Variants in ECPAS observed in about 807,000 individuals in gnomAD.
The protein encoded by ECPAS is proteasome adapter and scaffold protein ECM29.
In ECPAS, 70 loss-of-function variants were observed where a neutral mutation model predicts 255.1. The observed-to-expected ratio is 0.27, with a 90% CI of 0.23 to 0.33. The LOEUF is 0.33. Ranked by LOEUF, ECPAS falls within the 10% of genes least tolerant of loss-of-function variation. The pLI is 1.00. For synonymous variants in ECPAS, 784 were observed against 775.0 expected (o/e 1.01, Z -0.19); for missense variants, 1,817 against 2,206.4 (o/e 0.82, Z 3.54).
chr9:111,471,980 G>A (rs117483442), intron 2 of ECPAS, among the ~76,000 whole-genome samples: 4,856 of 152,136 alleles, frequency 0.032, 164 homozygotes, highest in East Asian at 0.12. Context: ...ACACAACTAT[G>A]ATCCCAGCTA....
chr9:111,368,419 A>G lies in ECPAS; in HGVS notation c.5113+616T>C, dbSNP rs2098123306. On this transcript the variant is annotated intron_variant, in intron 46 of 49. Transcript: ENST00000684092. ...TTTGTGCATTCCTCTGAATAGAGCT[A>G]TGATCATCAAGAAGATCAGTAGAAC... 2.6e-5 allele frequency among the ~76,000 whole-genome samples: 4 copies of G among 152,190 alleles called. No homozygotes were observed. In the South Asian group the frequency reaches 8.3e-4, roughly 32 times the overall value.
chr9:111,471,637 AT>A (rs2098288330), intron 2 of ECPAS, among the ~76,000 whole-genome samples: 1 of 152,194 alleles, frequency 6.6e-6, no homozygotes, highest in Non-Finnish European at 1.5e-5. Context: ...CAGAGTTTCA[AT>A]CAAAAGACCA....
At chr9:111,418,254 T>C (rs1289790968) in intron 16 of ECPAS, among the ~76,000 whole-genome samples, 5 of 152,304 alleles carry the variant, frequency 3.3e-5, no homozygotes, top group Admixed American at 1.3e-4. Flanking sequence ...AAAAACAAGA[T>C]AGGGTACTTT....
chr9:111,415,816 A>C (rs1178320982), intron 18 of ECPAS, among the ~76,000 whole-genome samples: 1 of 152,182 alleles, frequency 6.6e-6, no homozygotes, highest in Non-Finnish European at 1.5e-5. Flanking sequence ...TAGGCAGCAA[A>C]TTCACTGTGA....
At chr9:111,371,364 G>A (rs187224832) in intron 43 of ECPAS, among the ~76,000 whole-genome samples, 8 of 152,234 alleles carry the variant, frequency 5.3e-5, no homozygotes, top group Admixed American at 2.6e-4. Context: ...GGTTTAAGAC[G>A]TAACTTGGAA....
chr9:111,379,279 T>C (rs1564503179), intron 35 of ECPAS, among the ~76,000 whole-genome samples: 1 of 152,224 alleles, frequency 6.6e-6, no homozygotes, highest in Admixed American at 6.5e-5. Context: ...ACCACCATAA[T>C]AAAGAAAGCC....
At chr9:111,428,823 A>AGG in intron 9 of ECPAS, among the ~76,000 whole-genome samples, 2 of 152,258 alleles carry the variant, frequency 1.3e-5, no homozygotes, top group South Asian at 4.1e-4. Context: ...CTTATACTAT[A>AGG]TTCCACTGGT....
chr9:111,470,904 C>CTT (rs780280649), intron 2 of ECPAS, among the ~76,000 whole-genome samples: 1 of 152,108 alleles, frequency 6.6e-6, no homozygotes, highest in African/African-American at 2.4e-5. Context: ...CCACAAGGCC[C>CTT]TTTCCCCCAG....
At position 111,385,363 on chromosome 9, in the gene ECPAS, G is replaced by A. The variant is rs1212428261; in HGVS notation, c.3607C>T (p.Leu1203Phe). 3 of 1,559,346 alleles carry A rather than the reference G, an allele frequency of 1.9e-6. No individual in the cohort carries two copies. The highest frequency in any genetic ancestry group is 2.3e-5 in the South Asian group (2 of 85,450). Residue 1203 changes from leucine to phenylalanine, a missense_variant, in exon 33 of 50, where the codon CTT becomes TTT. Around this residue, in one of 4 missense-constraint regions of ECPAS, gnomAD observed 960 missense variants for 1,179.0 expected, o/e 0.81. Transcript: ENST00000684092. The part of the protein sequence containing the change: ...IDKLPEIWET[L>F]FRVQDDIKES... The stretch of plus-strand genomic sequence containing the variant: ...TTGATATCATCTTGTACTCTAAAAA[G>A]CGTTTCCCAAATTTCTGGAAGTTTA...
chr9:111,454,210 T>A (rs1426857117), intron 2 of ECPAS, among the ~76,000 whole-genome samples: 1 of 141,720 alleles, frequency 7.1e-6, no homozygotes, highest in Non-Finnish European at 1.5e-5. Flanking sequence ...ACAGAAACTG[T>A]AAAAGAAGTG....
At chr9:111,404,503 G>T (rs1358032432) in intron 24 of ECPAS, among the ~76,000 whole-genome samples, 1 of 149,002 alleles carries the variant, frequency 6.7e-6, no homozygotes, top group Non-Finnish European at 1.5e-5. Flanking sequence ...GTGGGGGGGT[G>T]ACTGGATCTT....
At chr9:111,415,465 T>C (rs531393049) in intron 18 of ECPAS, among the ~76,000 whole-genome samples, 1 of 152,172 alleles carries the variant, frequency 6.6e-6, no homozygotes, top group South Asian at 2.1e-4. Flanking sequence ...TTTGGGAGGC[T>C]GAGGCAGGAG....
intron 2 of ECPAS, among the ~76,000 whole-genome samples, chr9:111,455,325 T>C (rs954024278): frequency 6.6e-6 from 1 of 151,970 alleles, no homozygotes; most frequent in African/African-American, 2.4e-5. Context: ...TCTACTAAAA[T>C]TTCAAAAAAT....
At chr9:111,458,650 G>A (rs1028867601) in intron 2 of ECPAS, among the ~76,000 whole-genome samples, 1 of 151,402 alleles carries the variant, frequency 6.6e-6, no homozygotes, top group African/African-American at 2.4e-5. Flanking sequence ...AGAGGAGGGT[G>A]GGGGGGGTGT....
chr9:111,371,482 C>A (rs1473135214), intron 43 of ECPAS, 139 bp downstream of exon 43: 3 of 819,822 alleles, frequency 3.7e-6, no homozygotes, highest in African/African-American at 1.7e-5. Context: ...CAAGGTTTAC[C>A]CAAAGCTTCC....
Position 111,472,987 on chromosome 9 carries a change from A to T in ECPAS, c.-69T>A. On this transcript the variant is annotated 5_prime_UTR_variant, in exon 2 of 50. The change creates a new upstream start codon in the 5' untranslated region. Transcript: ENST00000684092. ...ACGTTCATCCACTCGTACATATGCAATTGTATAAAGAATCTATTATTTAGA... is the reference window on the plus strand; with the variant it reads ...ACGTTCATCCACTCGTACATATGCATTTGTATAAAGAATCTATTATTTAGA... 8.8e-7 allele frequency: 1 copy of T among 1,141,840 alleles called. No homozygotes were observed. Among genetic ancestry groups the T allele is most frequent in the South Asian group, 1.9e-5 (1 of 52,180 alleles). The allele number at this position is 1,141,840 out of a possible 1,614,324, so 70.7% of individuals were successfully genotyped here.
intron 34 of ECPAS, among the ~76,000 whole-genome samples, chr9:111,383,819 G>C (rs2098143645): frequency 6.6e-6 from 1 of 152,092 alleles, no homozygotes; most frequent in South Asian, 2.1e-4. Context: ...CTCTCCAGGA[G>C]GCTGAGGTGG....
rs772759563 is a variant in ECPAS at position 111,374,001 on chromosome 9, TGAG to T, written c.4145_4147del (p.Thr1382_Gln1383delinsLys). On this transcript the variant is annotated inframe_deletion, in exon 39 of 50. Transcript: ENST00000684092. The stretch of plus-strand genomic sequence containing the variant: ...GTAAGGTGTTAGGTCCTGAGGACAC[TGAG>T]TAGTTAATGACACAATGACACTGGC... The T allele has an allele frequency of 1.9e-6, 3 of 1,613,474 alleles. No homozygotes were observed. The South Asian group carries it at 3.3e-5, about 18-fold the overall frequency.
rs114908579 is a variant in ECPAS, at chr9:111,422,321, C to T, written c.1266-121G>A. ...TGAAGACAATGTCAGCATCATTACCCGCTCTGAGAGCCAAAAATTTTTCCA... is the reference window on the plus strand; with the variant it reads ...TGAAGACAATGTCAGCATCATTACCTGCTCTGAGAGCCAAAAATTTTTCCA... On this transcript the variant is annotated intron_variant, in intron 13 of 49. Transcript: ENST00000684092. 7.3e-4 allele frequency: 768 copies of T among 1,056,208 alleles called. 9 individuals are homozygous for T. The African/African-American group carries it at 8.2e-3, about 11-fold the overall frequency. 65.4% of individuals were successfully genotyped at this position (1,056,208 alleles called of 1,614,324 possible).
Sources: allele counts gnomAD v4.1 joint callset (sites outside exome capture counted in the v4.1 genomes callset), GRCh38; gene constraint gnomAD v4.1.1; regional missense constraint gnomAD v4.1.1; transcripts MANE v1.5; gene names NCBI Gene and HGNC (gene_info 2026-07-23, HGNC 2026-07-21).